PRKCE: variants seen among roughly 807,000 people sequenced by gnomAD.
PRKCE encodes protein kinase C epsilon.
Under a neutral mutation model 85.4 loss-of-function variants are expected in PRKCE, and 16 were observed. That is an observed-to-expected ratio of 0.19 (90% CI 0.13 to 0.28). The LOEUF (loss-of-function observed/expected upper bound fraction) is 0.28, where lower values mean the gene tolerates loss of function less well. PRKCE is among the 10% of genes least tolerant of loss of function. The pLI, the probability that PRKCE is intolerant of heterozygous loss-of-function variation, is 1.00. For missense variants in PRKCE, 573 were observed against 975.2 expected, an observed-to-expected ratio of 0.59 and a Z score of 5.49; for synonymous variants, 388 against 371.5, an observed-to-expected ratio of 1.04 and a Z score of -0.51.
At chr2:45,941,120 G>T (rs1699852531) in intron 2 of PRKCE, among the ~76,000 whole-genome samples, 1 of 139,884 alleles carries the variant, frequency 7.1e-6, no homozygotes, top group South Asian at 2.4e-4. Flanking sequence ...CTGAACAAAT[G>T]ACTTATATAC....
intron 1 of PRKCE, among the ~76,000 whole-genome samples, chr2:45,825,289 C>T (rs149276573): frequency 2.4e-4 from 37 of 152,330 alleles, no homozygotes; most frequent in East Asian, 1.9e-3. Context: ...GCACTAGCCA[C>T]GGTTTTCCTG....
In PRKCE at chr2:45,927,937, G is replaced by C. The variant is rs561485294; in HGVS notation, c.413-48492G>C. ...TTCACTCACGGAGGCAGGAGAGGGT[G>C]GGGGGGCCTGGGTGGTACTGGAGGA... is the stretch of plus-strand genomic sequence containing the variant. On this transcript the variant is annotated intron_variant, in intron 2 of 14. Transcript: ENST00000306156. Among the ~76,000 whole-genome samples the C allele has an allele frequency of 3.3e-5, 5 of 152,024 alleles. No homozygotes were observed. In the East Asian group the frequency reaches 9.6e-4, roughly 29 times the overall value.
intron 2 of PRKCE, among the ~76,000 whole-genome samples, chr2:45,952,646 G>A (rs569414455): frequency 2.0e-5 from 3 of 152,100 alleles, no homozygotes; most frequent in East Asian, 1.9e-4. Flanking sequence ...AAATGTAGTC[G>A]CTCTTCAAAA....
rs987782312 is a variant in PRKCE at position 46,173,528 on chromosome 2, G to A, written c.2068-11207G>A. Among the ~76,000 whole-genome samples, 3 of 152,224 alleles carry A rather than the reference G, an allele frequency of 2.0e-5. No individual in the cohort carries two copies. The East Asian group carries it at 5.8e-4, about 29-fold the overall frequency. On this transcript the variant is annotated intron_variant, in intron 14 of 14. Transcript: ENST00000306156. Reference sequence around the variant, plus strand: ...TGAAAAGCTTCTCACTTTACCAATAGCAGACAAGGAACATGTTCCTCAGTT... The same window carrying A: ...TGAAAAGCTTCTCACTTTACCAATAACAGACAAGGAACATGTTCCTCAGTT...
chr2:46,075,208 C>T (rs1243073770), intron 10 of PRKCE, among the ~76,000 whole-genome samples: 1 of 151,818 alleles, frequency 6.6e-6, no homozygotes, highest in African/African-American at 2.4e-5. Context: ...GCCCGGCTAA[C>T]TTTTTGTATT....
chr2:45,754,013 T>C (rs940053), intron 1 of PRKCE, among the ~76,000 whole-genome samples: 93,298 of 151,848 alleles, frequency 0.61, 29,018 homozygotes, highest in African/African-American at 0.7. Flanking sequence ...AATGAGGAGA[T>C]GAACAAGGCC....
At chr2:45,715,362 C>T (rs1680000841) in intron 1 of PRKCE, among the ~76,000 whole-genome samples, 1 of 152,200 alleles carries the variant, frequency 6.6e-6, no homozygotes, top group African/African-American at 2.4e-5. Context: ...CCTTGACACC[C>T]CTGATAGGTG....
chr2:45,677,356 T>G (rs1388199069), intron 1 of PRKCE, among the ~76,000 whole-genome samples: 16 of 130,882 alleles, frequency 1.2e-4, no homozygotes, highest in Admixed American at 5.2e-4. Flanking sequence ...GTTGTTGTTT[T>G]TTTTTTTTTT....
rs1385122380 is a variant in PRKCE, at chr2:46,184,312, C to T, written c.2068-423C>T. 6.6e-6 allele frequency among the ~76,000 whole-genome samples: 1 copy of T among 152,060 alleles called. No individual in the cohort carries two copies. Among genetic ancestry groups the T allele is most frequent in the African/African-American group, 2.4e-5 (1 of 41,378 alleles). On this transcript the variant is annotated intron_variant, in intron 14 of 14. Coordinates refer to ENST00000306156, the MANE Select transcript of PRKCE (RefSeq NM_005400.3). This position sits in a 1 kb window ranked among gnomAD's most constrained non-coding sequence, Gnocchi z 5.0. The stretch of plus-strand genomic sequence containing the variant: ...TGGCCGGGTTATGGGGAAGAAGGAC[C>T]TCTGAGAGGGGATTCAGATCTGTTC...
intron 2 of PRKCE, among the ~76,000 whole-genome samples, chr2:45,922,840 C>A (rs1698351651): frequency 6.6e-6 from 1 of 152,198 alleles, no homozygotes; most frequent in East Asian, 1.9e-4. Flanking sequence ...GCCTAAGAAC[C>A]ATCACACCTT....
intron 2 of PRKCE, among the ~76,000 whole-genome samples, chr2:45,851,451 G>C (rs1336682620): frequency 6.6e-6 from 1 of 152,172 alleles, no homozygotes; most frequent in Non-Finnish European, 1.5e-5. Context: ...GTGTGTTTGG[G>C]AGGGGTATGT....
chr2:45,859,865 G>A (rs1282700819), intron 2 of PRKCE, among the ~76,000 whole-genome samples: 1 of 152,118 alleles, frequency 6.6e-6, no homozygotes, highest in African/African-American at 2.4e-5. Flanking sequence ...TAACTCAATA[G>A]GTGGCAGTGG....
intron 1 of PRKCE, among the ~76,000 whole-genome samples, chr2:45,728,229 G>A (rs1164974318): frequency 6.6e-6 from 1 of 152,150 alleles, no homozygotes; most frequent in Non-Finnish European, 1.5e-5. Context: ...TATCTGTTTT[G>A]GCTTCAAAGG....
rs1708921965 is a variant in PRKCE, at chr2:46,052,582, C to T, written c.1438-33626C>T. 2.0e-5 allele frequency among the ~76,000 whole-genome samples: 3 copies of T among 152,310 alleles called. 1 individual carries two copies. The highest frequency in any genetic ancestry group is 4.4e-5 in the Non-Finnish European group (3 of 68,024). On this transcript the variant is annotated intron_variant, in intron 10 of 14. Transcript: ENST00000306156. ...ATGGCAGTTCTCCCCAAATTGATCT[C>T]TACATTCAATGCAGTCCCTAGTAAA...
intron 1 of PRKCE, among the ~76,000 whole-genome samples, chr2:45,817,489 C>G (rs551603250): frequency 4.0e-5 from 6 of 151,864 alleles, no homozygotes; most frequent in Admixed American, 2.6e-4. Context: ...GTCAGGAGAT[C>G]GAGACCATCC....
intron 14 of PRKCE, among the ~76,000 whole-genome samples, chr2:46,180,067 A>G (rs1227377060): frequency 6.6e-6 from 1 of 152,198 alleles, no homozygotes; most frequent in East Asian, 1.9e-4. Context: ...TCTGCCTGCA[A>G]GGAGCTCATA....
At chr2:46,091,297 T>C (rs4080680) in intron 11 of PRKCE, among the ~76,000 whole-genome samples, 116,601 of 152,128 alleles carry the variant, frequency 0.77, 45,268 homozygotes, top group East Asian at 0.89. Flanking sequence ...AAGGGTGGGC[T>C]TTCCGTCCAA....
intron 10 of PRKCE, among the ~76,000 whole-genome samples, chr2:46,022,555 C>T (rs1048191750): frequency 6.6e-6 from 1 of 152,198 alleles, no homozygotes; most frequent in African/African-American, 2.4e-5. Flanking sequence ...CCCATGTAAC[C>T]CGAATTTTTC....
intron 10 of PRKCE, among the ~76,000 whole-genome samples, chr2:46,057,438 C>CTT (rs762865674): frequency 4.8e-5 from 7 of 144,930 alleles, no homozygotes; most frequent in Non-Finnish European, 6.1e-5. Context: ...TTCTCTTCAA[C>CTT]TTTTTTTTTT....
Sources: allele counts gnomAD v4.1 joint callset (sites outside exome capture counted in the v4.1 genomes callset), GRCh38; gene constraint gnomAD v4.1.1; non-coding constraint Gnocchi (gnomAD v3.1); transcripts MANE v1.5; gene names NCBI Gene and HGNC (gene_info 2026-07-23, HGNC 2026-07-21).